PTK7: variants seen among roughly 807,000 people sequenced by gnomAD.
The protein encoded by PTK7 is protein tyrosine kinase 7 (inactive), also known as inactive tyrosine-protein kinase 7.
Under a neutral mutation model 116.6 loss-of-function variants are expected in PTK7, and 39 were observed. The ratio of observed to expected loss-of-function variants is 0.33; its 90% confidence interval spans 0.26 to 0.44. PTK7 has a LOEUF of 0.44. Ranked by LOEUF, PTK7 falls within the 20% of genes least tolerant of loss-of-function variation. The pLI is 1.00. For missense variants in PTK7, 1,169 were observed against 1,425.6 expected (o/e 0.82, Z 2.90); for synonymous variants, 546 against 563.6 (o/e 0.97, Z 0.44).
At chr6:43,114,604 A>G (rs1283568265) in intron 1 of PTK7, among the ~76,000 whole-genome samples, 1 of 152,028 alleles carries the variant, frequency 6.6e-6, no homozygotes, top group Non-Finnish European at 1.5e-5. Context: ...GTAGGCATGA[A>G]ATAAACTTGA....
chr6:43,101,985 C>T (rs1037728407), intron 1 of PTK7, among the ~76,000 whole-genome samples: 1 of 151,994 alleles, frequency 6.6e-6, no homozygotes, highest in South Asian at 2.1e-4. Flanking sequence ...CATCTGAGGT[C>T]AGGAGTTTGA....
At chr6:43,077,145 A>AG (rs1173117199) in intron 1 of PTK7, among the ~76,000 whole-genome samples, 12 of 152,338 alleles carry the variant, frequency 7.9e-5, no homozygotes, top group Admixed American at 7.8e-4. Flanking sequence ...GGGCGGAAGA[A>AG]GGGAAGAGTT....
chr6:43,085,953 A>T (rs12661980), intron 1 of PTK7, among the ~76,000 whole-genome samples: 47,799 of 147,802 alleles, frequency 0.32, 8,040 homozygotes, highest in Non-Finnish European at 0.36. Context: ...AAAAAAAAAA[A>T]ACATGGCTTC....
chr6:43,099,235 C>CTTT (rs11375658), intron 1 of PTK7, among the ~76,000 whole-genome samples: 112 of 137,018 alleles, frequency 8.2e-4, no homozygotes, highest in African/African-American at 2.9e-3. Flanking sequence ...ACTATTTTTC[C>CTTT]TTTTTTTTTT....
Position 43,076,807 on chromosome 6 carries a change from C to T in PTK7, c.79+240C>T, listed in dbSNP as rs1483302041. ...CACTCGCGCCGCGGGGACGCATTTC[C>T]AGCCTCCCTGAGTTTTTCTGGTCTG... On this transcript the variant is annotated intron_variant, in intron 1 of 19. Transcript: ENST00000230419. The surrounding 1 kb of genome is among the most constrained non-coding windows in gnomAD (Gnocchi z 5.7). The T allele has an allele frequency of 1.4e-6, 2 of 1,408,944 alleles. No homozygotes were observed. Among genetic ancestry groups the T allele is most frequent in the Admixed American group, 2.9e-5 (1 of 33,920 alleles). 87.3% of individuals were successfully genotyped at this position (1,408,944 alleles called of 1,614,324 possible).
intron 1 of PTK7, among the ~76,000 whole-genome samples, chr6:43,082,219 A>G (rs1766419126): frequency 6.6e-6 from 1 of 152,298 alleles, no homozygotes; most frequent in Non-Finnish European, 1.5e-5. Context: ...TCTGTCGCCC[A>G]GGCTGAAGTG....
chr6:43,129,263 A>T lies in PTK7; in HGVS notation c.366A>T (p.Lys122Asn). The T allele has an allele frequency of 1.9e-6, 3 of 1,613,958 alleles. No individual in the cohort carries two copies. Among genetic ancestry groups the T allele is most frequent in the Non-Finnish European group, 2.5e-6 (3 of 1,179,994 alleles). The change falls in exon 2 of 20, where the codon AAA becomes AAT. Residue 122 changes from lysine to asparagine, a missense_variant and splice_region_variant. This residue lies in a region of PTK7 where 487 missense variants were observed against 549.8 expected (regional missense o/e 0.89). Transcript: ENST00000230419. This position sits in a 1 kb window ranked among gnomAD's most constrained non-coding sequence, Gnocchi z 4.5. ...GTGCCAACGCCTCCTTCAACATCAAATGTGAGAGCCAGGGGGGCTGTGCCC... is the reference window on the plus strand; with the variant it reads ...GTGCCAACGCCTCCTTCAACATCAATTGTGAGAGCCAGGGGGGCTGTGCCC... ...ARSANASFNI[K>N]WIEAGPVVLK...
chr6:43,133,028 A>T, intron 7 of PTK7: 1 of 461,052 alleles, frequency 2.2e-6, no homozygotes, highest in Non-Finnish European at 3.8e-6. Flanking sequence ...ACTGGGGTTC[A>T]GTCTCCTCAT....
chr6:43,104,808 CT>C (rs35126838), intron 1 of PTK7, among the ~76,000 whole-genome samples: 7,959 of 102,720 alleles, frequency 0.077, 214 homozygotes, highest in East Asian at 0.25. Flanking sequence ...ATTAGCACAA[CT>C]TTTTTTTTTT....
rs149326082 is a variant in PTK7, at chr6:43,097,678, C to T, written c.79+21111C>T. Among the ~76,000 whole-genome samples, 42 of 152,258 alleles carry T rather than the reference C, an allele frequency of 2.8e-4. 1 individual carries two copies. The East Asian group carries it at 7.7e-3, about 28-fold the overall frequency. On this transcript the variant is annotated intron_variant, in intron 1 of 19. Coordinates refer to ENST00000230419, the MANE Select transcript of PTK7 (RefSeq NM_002821.5). ...CCAGATAATTTGTCATCCAAACATC[C>T]CCACCTCCATGATTACTAAATATGC... is the stretch of plus-strand genomic sequence containing the variant.
intron 1 of PTK7, among the ~76,000 whole-genome samples, chr6:43,123,053 C>T (rs1582141215): frequency 6.6e-6 from 1 of 152,312 alleles, no homozygotes; most frequent in East Asian, 1.9e-4. Flanking sequence ...GGAGCACACT[C>T]CTGGAGGACT....
chr6:43,076,797 G>A lies in PTK7; in HGVS notation c.79+230G>A. On this transcript the variant is annotated intron_variant, in intron 1 of 19. Transcript: ENST00000230419. This position sits in a 1 kb window ranked among gnomAD's most constrained non-coding sequence, Gnocchi z 5.7. ...GTACCCCTCCCACTCGCGCCGCGGG[G>A]ACGCATTTCCAGCCTCCCTGAGTTT... 1.4e-6 allele frequency: 2 copies of A among 1,409,738 alleles called. No individual in the cohort carries two copies. The highest frequency in any genetic ancestry group is 1.8e-6 in the Non-Finnish European group (2 of 1,082,078). 87.3% of individuals were successfully genotyped at this position (1,409,738 alleles called of 1,614,324 possible).
intron 1 of PTK7, among the ~76,000 whole-genome samples, chr6:43,116,651 TGC>T (rs879197725): frequency 0.16 from 12,189 of 76,938 alleles, 661 homozygotes; most frequent in Non-Finnish European, 0.18. Flanking sequence ...TGTGTGTGTG[TGC>T]GCGCGCACGC....
At chr6:43,146,796 C>T in intron 17 of PTK7, 98 bp downstream of exon 17, 1 of 1,041,706 alleles carries the variant, frequency 9.6e-7, no homozygotes, top group Non-Finnish European at 1.5e-6. Flanking sequence ...TGGGCCAGGC[C>T]CTATGGTAAG....
intron 1 of PTK7, among the ~76,000 whole-genome samples, chr6:43,090,168 A>G (rs951649256): frequency 3.3e-5 from 5 of 152,222 alleles, no homozygotes; most frequent in Non-Finnish European, 7.3e-5. Context: ...AGAAAGGGGT[A>G]GGAGAGCGTG....
At chr6:43,108,648 C>T (rs759208736) in intron 1 of PTK7, among the ~76,000 whole-genome samples, 8 of 151,272 alleles carry the variant, frequency 5.3e-5, no homozygotes, top group African/African-American at 9.7e-5. Flanking sequence ...GCGATCCACC[C>T]GCCTCGGCCT....
intron 17 of PTK7, among the ~76,000 whole-genome samples, chr6:43,154,838 C>G (rs191209784): frequency 6.6e-6 from 1 of 152,372 alleles, no homozygotes; most frequent in African/African-American, 2.4e-5. Context: ...AGCAGCCCAA[C>G]CTCTGTGCCC....
rs548113311 is a variant in PTK7, at chr6:43,105,910, C to G, written c.80-23067C>G. Among the ~76,000 whole-genome samples the G allele has an allele frequency of 1.4e-4, 22 of 152,292 alleles. 1 individual carries two copies. In the Middle Eastern group the frequency reaches 0.017, roughly 118 times the overall value. ...TAAATTTCTGTTATTTTAAGCCACCCAGTTGTGGTAATTTGTTATGGCAGC... is the reference window on the plus strand; with the variant it reads ...TAAATTTCTGTTATTTTAAGCCACCGAGTTGTGGTAATTTGTTATGGCAGC... On this transcript the variant is annotated intron_variant, in intron 1 of 19. Coordinates refer to ENST00000230419, the MANE Select transcript of PTK7 (RefSeq NM_002821.5).
At chr6:43,119,689 A>T (rs796929029) in intron 1 of PTK7, among the ~76,000 whole-genome samples, 4 of 152,304 alleles carry the variant, frequency 2.6e-5, no homozygotes, top group African/African-American at 9.6e-5. Context: ...AGCTCGTGGC[A>T]TATTTCCCAG....
Sources: gnomAD v4.1 joint callset for allele counts (sites outside exome capture counted in the v4.1 genomes callset) on GRCh38, gnomAD v4.1.1 for gene constraint, gnomAD v4.1.1 regional missense constraint, Gnocchi (gnomAD v3.1) non-coding constraint, MANE v1.5 for transcripts, NCBI Gene and HGNC (gene_info 2026-07-23, HGNC 2026-07-21) for gene names.